ATRN: variants seen among roughly 807,000 people sequenced by gnomAD.
ATRN encodes attractin-2.
A neutral mutation model predicts 178.7 loss-of-function variants in ATRN; 54 were observed. The ratio of observed to expected loss-of-function variants is 0.30; its 90% confidence interval spans 0.24 to 0.38. The LOEUF (loss-of-function observed/expected upper bound fraction) is 0.38, where lower values mean the gene tolerates loss of function less well. ATRN is among the 10% of genes least tolerant of loss of function. The pLI is 1.00. For missense variants in ATRN, 1,443 were observed against 1,815.1 expected (o/e 0.79, Z 3.73); for synonymous variants, 636 against 663.0 (o/e 0.96, Z 0.63).
At chr20:3,635,849 G>C (rs1265587861) in intron 26 of ATRN, among the ~76,000 whole-genome samples, 5 of 151,840 alleles carry the variant, frequency 3.3e-5, no homozygotes, top group Admixed American at 2.0e-4. Flanking sequence ...ATATTCAAAG[G>C]GTTTTTTAGA....
chr20:3,566,838 C>T (rs1191136073), intron 11 of ATRN, among the ~76,000 whole-genome samples: 2 of 133,488 alleles, frequency 1.5e-5, no homozygotes, highest in Non-Finnish European at 3.0e-5. Flanking sequence ...ACCCAGGAGG[C>T]GGAAATTGCA....
At chr20:3,556,617 A>G (rs1052603520) in intron 6 of ATRN, among the ~76,000 whole-genome samples, 5 of 152,188 alleles carry the variant, frequency 3.3e-5, no homozygotes, top group African/African-American at 9.6e-5. Context: ...TCTGGAATCT[A>G]TCTTTGCTTA....
intron 1 of ATRN, among the ~76,000 whole-genome samples, chr20:3,486,319 C>T (rs564799277): frequency 1.2e-3 from 176 of 152,282 alleles, no homozygotes; most frequent in African/African-American, 4.0e-3. Flanking sequence ...TCCCACCAGC[C>T]AGCATAGATT....
At position 3,535,161 on chromosome 20, in the gene ATRN, G is replaced by T. The variant is rs529799640; in HGVS notation, c.411-92G>T. 2.9e-4 allele frequency: 132 copies of T among 451,962 alleles called. 1 individual carries two copies. The South Asian group carries it at 7.2e-3, about 25-fold the overall frequency. 28.0% of individuals were successfully genotyped at this position (451,962 alleles called of 1,614,324 possible). A position where few individuals can be genotyped will look rare whatever the true frequency, so the allele number is the denominator to read the frequency against. On this transcript the variant is annotated intron_variant, in intron 1 of 28. Transcript: ENST00000262919. Reference sequence around the variant, plus strand: ...TAATTTGTATTATATTAAGAATTAAGAAATATTAATATATGAAAATATATA... The same window carrying T: ...TAATTTGTATTATATTAAGAATTAATAAATATTAATATATGAAAATATATA...
At chr20:3,600,870 A>C in intron 22 of ATRN, 76 bp from the exon 23 acceptor site, 11 of 1,300,856 alleles carry the variant, frequency 8.5e-6, no homozygotes, top group Non-Finnish European at 1.2e-5. Flanking sequence ...CATTTAGAGG[A>C]GTAAACTTTA....
At chr20:3,483,914 A>T (rs1474933496) in intron 1 of ATRN, among the ~76,000 whole-genome samples, 1 of 152,158 alleles carries the variant, frequency 6.6e-6, no homozygotes, top group Non-Finnish European at 1.5e-5. Flanking sequence ...TATTGAGTAG[A>T]ATCCAAATTC....
chr20:3,611,378 A>T (rs1363201200), intron 24 of ATRN, among the ~76,000 whole-genome samples: 1 of 151,250 alleles, frequency 6.6e-6, no homozygotes, highest in East Asian at 1.9e-4. Flanking sequence ...GGCAAAAGAC[A>T]TGAATAGACA....
At chr20:3,622,331 A>G (rs1690115214) in intron 24 of ATRN, among the ~76,000 whole-genome samples, 1 of 152,242 alleles carries the variant, frequency 6.6e-6, no homozygotes, top group Non-Finnish European at 1.5e-5. Context: ...AAATCTGCCA[A>G]GTCTTCCTTT....
chr20:3,529,682 G>A (rs764926582), intron 1 of ATRN, among the ~76,000 whole-genome samples: 4 of 152,154 alleles, frequency 2.6e-5, no homozygotes, highest in Admixed American at 6.6e-5. Context: ...GAGAGCTTTT[G>A]GGGGTGAGGA....
intron 1 of ATRN, among the ~76,000 whole-genome samples, chr20:3,473,064 A>C (rs1318986442): frequency 6.6e-6 from 1 of 152,216 alleles, no homozygotes; most frequent in Non-Finnish European, 1.5e-5. Context: ...TTTGTAACTT[A>C]GGGTGTTCTG....
chr20:3,583,815 AAAAG>A, intron 16 of ATRN, 79 bp from the exon 17 acceptor site: 9 of 1,416,970 alleles, frequency 6.4e-6, no homozygotes, highest in Admixed American at 2.1e-5. Flanking sequence ...TCAAAAAAAA[AAAAG>A]AAAAGAAAGA....
At chr20:3,511,944 A>G (rs1278742672) in intron 1 of ATRN, among the ~76,000 whole-genome samples, 1 of 151,444 alleles carries the variant, frequency 6.6e-6, no homozygotes, top group Admixed American at 6.6e-5. Context: ...AGAGGAGTTA[A>G]TAACATCAAT....
rs370083391 is a variant in ATRN, at chr20:3,592,229, A to G, written c.3322+923A>G. Among the ~76,000 whole-genome samples, 38 of 152,150 alleles carry G rather than the reference A, an allele frequency of 2.5e-4. 1 individual carries two copies. The highest frequency in any genetic ancestry group is 1.4e-3 in the East Asian group (7 of 5,168). Reference sequence around the variant, plus strand: ...AGCCTGACCAACATGGTGAAACCCCATCTCTACTAAAAATAGAAAAATTAG... The same window carrying G: ...AGCCTGACCAACATGGTGAAACCCCGTCTCTACTAAAAATAGAAAAATTAG... On this transcript the variant is annotated intron_variant, in intron 19 of 28. Coordinates refer to ENST00000262919, the MANE Select transcript of ATRN (RefSeq NM_139321.3).
At chr20:3,502,163 C>G (rs1185752235) in intron 1 of ATRN, among the ~76,000 whole-genome samples, 1 of 151,954 alleles carries the variant, frequency 6.6e-6, no homozygotes, top group Non-Finnish European at 1.5e-5. Context: ...CATAGTTATA[C>G]AACTTAGTCT....
chr20:3,571,735 C>T (rs1275250078), intron 11 of ATRN, among the ~76,000 whole-genome samples: 2 of 152,116 alleles, frequency 1.3e-5, no homozygotes, highest in African/African-American at 4.8e-5. Context: ...AGTCCTTTTC[C>T]TATAACATAA....
At chr20:3,489,306 C>T (rs1440464234) in intron 1 of ATRN, among the ~76,000 whole-genome samples, 1 of 151,880 alleles carries the variant, frequency 6.6e-6, no homozygotes, top group Non-Finnish European at 1.5e-5. Flanking sequence ...TTTTTTTGAA[C>T]AAGGTCTGGT....
rs182630842 is a variant in ATRN, at chr20:3,591,373, G to A, written c.3322+67G>A. ...GGAACACAGCACTTCTATTTGACTTGAATATCTAGGAGGAAAAAAGCCACT... is the reference window on the plus strand; with the variant it reads ...GGAACACAGCACTTCTATTTGACTTAAATATCTAGGAGGAAAAAAGCCACT... On this transcript the variant is annotated intron_variant, in intron 19 of 28. Coordinates refer to ENST00000262919, the MANE Select transcript of ATRN (RefSeq NM_139321.3). The A allele has an allele frequency of 9.2e-6, 14 of 1,518,038 alleles. No individual in the cohort carries two copies. The Admixed American group carries it at 2.8e-4, about 30-fold the overall frequency. The allele number at this position is 1,518,038 out of a possible 1,614,324, so 94.0% of individuals were successfully genotyped here.
intron 22 of ATRN, among the ~76,000 whole-genome samples, chr20:3,599,773 A>G (rs528061776): frequency 3.1e-4 from 47 of 152,302 alleles, no homozygotes; most frequent in African/African-American, 1.1e-3. Flanking sequence ...GGATGACTGT[A>G]ATTGTTAGTT....
intron 24 of ATRN, among the ~76,000 whole-genome samples, chr20:3,611,848 A>G (rs1229876585): frequency 6.6e-6 from 1 of 152,190 alleles, no homozygotes; most frequent in African/African-American, 2.4e-5. Flanking sequence ...ATAACACCAA[A>G]TGTTGGAGAG....
Sources: allele counts gnomAD v4.1 joint callset (sites outside exome capture counted in the v4.1 genomes callset), GRCh38; gene constraint gnomAD v4.1.1; transcripts MANE v1.5; gene names NCBI Gene and HGNC (gene_info 2026-07-23, HGNC 2026-07-21).